LARS2: variants seen among roughly 807,000 people sequenced by gnomAD.
LARS2 encodes leucine--tRNA ligase, mitochondrial.
Under a neutral mutation model 116.6 loss-of-function variants are expected in LARS2, and 81 were observed. That is an observed-to-expected ratio of 0.69 (90% CI 0.58 to 0.84). The LOEUF (loss-of-function observed/expected upper bound fraction) is 0.84. Ranked by LOEUF, LARS2 falls within the 40% of genes least tolerant of loss-of-function variation. LARS2 has a pLI of 0.00. For missense variants in LARS2, 968 were observed against 1,114.5 expected, an observed-to-expected ratio of 0.87 and a Z score of 1.87; for synonymous variants, 396 against 407.2, an observed-to-expected ratio of 0.97 and a Z score of 0.33.
intron 6 of LARS2, among the ~76,000 whole-genome samples, chr3:45,428,804 C>T (rs1390918449): frequency 6.6e-6 from 1 of 152,054 alleles, no homozygotes; most frequent in African/African-American, 2.4e-5. Flanking sequence ...CATTCATATA[C>T]CTTTCACCTA....
chr3:45,484,515 C>T (rs1699759509), intron 10 of LARS2, among the ~76,000 whole-genome samples: 1 of 143,378 alleles, frequency 7.0e-6, no homozygotes, highest in South Asian at 2.2e-4. Context: ...CCTGTAATCC[C>T]AGCGCTTTGG....
intron 7 of LARS2, among the ~76,000 whole-genome samples, chr3:45,450,121 T>C (rs1168953658): frequency 6.6e-6 from 1 of 152,208 alleles, no homozygotes; most frequent in Non-Finnish European, 1.5e-5. Flanking sequence ...GGTTTTTAAA[T>C]TAATATATCA....
intron 2 of LARS2, among the ~76,000 whole-genome samples, chr3:45,392,683 A>G (rs747262647): frequency 1.3e-5 from 2 of 152,162 alleles, no homozygotes; most frequent in Non-Finnish European, 2.9e-5. Flanking sequence ...GATAATGTCA[A>G]TGACTTTGGC....
intron 10 of LARS2, chr3:45,484,043 T>TAA (rs3085463): frequency 0.79 from 116,021 of 146,946 alleles, 49,726 homozygotes; most frequent in East Asian, 0.97. Flanking sequence ...TACAAAAAAT[T>TAA]AAAAAAAAAA....
rs1698200353 is a variant in LARS2, at chr3:45,404,372, T to C, written c.363+3999T>C. Among the ~76,000 whole-genome samples the C allele has an allele frequency of 5.3e-5, 8 of 152,340 alleles. No individual in the cohort carries two copies. In the South Asian group the frequency reaches 1.7e-3, roughly 32 times the overall value. On this transcript the variant is annotated intron_variant, in intron 4 of 21. Transcript: ENST00000645846. The stretch of plus-strand genomic sequence containing the variant: ...AACTTGTCTGGTCATTTTTAAGTGA[T>C]GTGGGAAAAGAGAAACAAATCTTGG...
intron 4 of LARS2, 128 bp downstream of exon 4, chr3:45,400,501 A>C: frequency 1.2e-6 from 1 of 864,632 alleles, no homozygotes; most frequent in South Asian, 2.6e-5. Flanking sequence ...GAAGATGGAC[A>C]TGAAAAGCTC....
chr3:45,528,623 C>G (rs1258481493), intron 20 of LARS2, among the ~76,000 whole-genome samples: 1 of 152,210 alleles, frequency 6.6e-6, no homozygotes, highest in Non-Finnish European at 1.5e-5. Flanking sequence ...ACTAATCTTT[C>G]TGTCTCTGTA....
chr3:45,482,180 C>A (rs571994057), intron 10 of LARS2, among the ~76,000 whole-genome samples: 28 of 152,142 alleles, frequency 1.8e-4, no homozygotes, highest in African/African-American at 6.5e-4. Context: ...TGTTTTCATG[C>A]GGGCTTCACA....
intron 20 of LARS2, among the ~76,000 whole-genome samples, chr3:45,528,069 G>A (rs1700557755): frequency 6.6e-6 from 1 of 152,198 alleles, no homozygotes; most frequent in Admixed American, 6.5e-5. Flanking sequence ...GGGTGCAGTG[G>A]CTCACGCTTG....
rs771587951 is a variant in LARS2, at chr3:45,524,037, A to G, written c.2333A>G (p.Glu778Gly). 2.5e-6 allele frequency: 4 copies of G among 1,613,932 alleles called. No homozygotes were observed. Among genetic ancestry groups the G allele is most frequent in the Non-Finnish European group, 3.4e-6 (4 of 1,179,958 alleles). ...GTCATTCTCCACAGCCCCGAGTTTG[A>G]GGATGCTTTGTGTGCCCTGATGGTA... ...QSVILHSPEFEDALCALMVMA... is the reference protein window; with the variant it reads ...QSVILHSPEFGDALCALMVMA... The change falls in exon 20 of 22, where the codon GAG (glutamate) becomes GGG (glycine). Residue 778 changes from glutamate (E) to glycine (G), a missense_variant. Coordinates refer to ENST00000645846, the MANE Select transcript of LARS2 (RefSeq NM_015340.4).
chr3:45,500,685 G>C (rs1051163515), intron 15 of LARS2, 106 bp downstream of exon 15: 2 of 811,680 alleles, frequency 2.5e-6, no homozygotes, highest in South Asian at 2.0e-5. Context: ...TAGAATACTA[G>C]TTTTCTAGTA....
chr3:45,485,839 G>T, intron 11 of LARS2, 43 bp downstream of exon 11: 1 of 1,272,128 alleles, frequency 7.9e-7, no homozygotes, highest in South Asian at 1.3e-5. Context: ...ATATTTTGCA[G>T]ATTTAGAATC....
chr3:45,447,497 G>A (rs1024519224), intron 7 of LARS2, among the ~76,000 whole-genome samples: 1 of 151,828 alleles, frequency 6.6e-6, no homozygotes, highest in Non-Finnish European at 1.5e-5. Context: ...ATTATTGTGG[G>A]AATGAGCTCC....
chr3:45,415,635 G>T (rs1308639616), intron 4 of LARS2, among the ~76,000 whole-genome samples: 1 of 151,886 alleles, frequency 6.6e-6, no homozygotes, highest in Non-Finnish European at 1.5e-5. Context: ...ATCACTTGAG[G>T]CCAGGAGTTC....
intron 10 of LARS2, among the ~76,000 whole-genome samples, chr3:45,484,641 ATATATATT>A (rs1265290307): frequency 3.2e-5 from 3 of 92,700 alleles, no homozygotes; most frequent in Non-Finnish European, 4.5e-5. Flanking sequence ...ATATATATAT[ATATATATT>A]TAAAATAAGA....
chr3:45,451,053 G>GT (rs1023541637), intron 7 of LARS2, among the ~76,000 whole-genome samples: 2 of 151,730 alleles, frequency 1.3e-5, no homozygotes, highest in African/African-American at 4.8e-5. Flanking sequence ...ATTTTTGTTT[G>GT]TTTTTTGCTA....
chr3:45,463,149 A>G (rs1305266168), intron 8 of LARS2, among the ~76,000 whole-genome samples: 1 of 152,204 alleles, frequency 6.6e-6, no homozygotes, highest in Non-Finnish European at 1.5e-5. Flanking sequence ...AGTCTGATGG[A>G]ATGCCTCAGT....
intron 8 of LARS2, among the ~76,000 whole-genome samples, chr3:45,467,465 A>C (rs1336686104): frequency 6.6e-6 from 1 of 152,258 alleles, no homozygotes; most frequent in Non-Finnish European, 1.5e-5. Context: ...TACATTCTGT[A>C]GTTTTAAAAG....
At chr3:45,479,181 T>C (rs1346883794) in intron 10 of LARS2, among the ~76,000 whole-genome samples, 2 of 152,244 alleles carry the variant, frequency 1.3e-5, no homozygotes, top group Admixed American at 1.3e-4. Flanking sequence ...ACCAAGATTC[T>C]GGTCCTAGAG....
Sources: gnomAD v4.1 joint callset for allele counts (sites outside exome capture counted in the v4.1 genomes callset) on GRCh38, gnomAD v4.1.1 for gene constraint, MANE v1.5 for transcripts, NCBI Gene and HGNC (gene_info 2026-07-23, HGNC 2026-07-21) for gene names.